The following PLEKHH2 variants were observed in gnomAD, a reference collection of about 807,000 sequenced individuals.
The protein encoded by PLEKHH2 is pleckstrin homology domain-containing family H member 2.
In PLEKHH2, 129 loss-of-function variants were observed where a neutral mutation model predicts 187.9. That is an observed-to-expected ratio of 0.69 (90% CI 0.59 to 0.79). PLEKHH2 has a LOEUF of 0.79. Ranked by LOEUF, PLEKHH2 falls within the 30% of genes least tolerant of loss-of-function variation. PLEKHH2 has a pLI of 0.00. For synonymous variants in PLEKHH2, 686 were observed against 605.6 expected, an observed-to-expected ratio of 1.13 and a Z score of -1.95; for missense variants, 2,076 against 1,751.2, an observed-to-expected ratio of 1.19 and a Z score of -3.31.
chr2:43,657,418 G>A (rs773436950), intron 2 of PLEKHH2, among the ~76,000 whole-genome samples: 13 of 152,132 alleles, frequency 8.5e-5, no homozygotes, highest in Non-Finnish European at 2.9e-5. Flanking sequence ...CTACTAAACC[G>A]CTCCCAAGGT....
intron 1 of PLEKHH2, among the ~76,000 whole-genome samples, chr2:43,641,542 AT>A (rs1665930045): frequency 6.6e-6 from 1 of 151,716 alleles, no homozygotes. Flanking sequence ...GTGTTAGTGT[AT>A]TTTATGTGTG....
intron 20 of PLEKHH2, 37 bp from the exon 21 acceptor site, chr2:43,740,909 A>C: frequency 6.2e-7 from 1 of 1,606,138 alleles, no homozygotes; most frequent in Non-Finnish European, 8.5e-7. Flanking sequence ...TCTGACTGGC[A>C]CGTGGTATCT....
Position 43,731,510 on chromosome 2 carries a change from C to A in PLEKHH2, c.2851C>A (p.Pro951Thr). The A allele has an allele frequency of 1.2e-6, 2 of 1,600,508 alleles. No individual in the cohort carries two copies. The highest frequency in any genetic ancestry group is 4.5e-5 in the East Asian group (2 of 44,780). The change falls in exon 19 of 30, where the codon CCC becomes ACC. Residue 951 changes from proline to threonine, a missense_variant. Transcript: ENST00000282406. ...GEPSSQIWRH[P>T]TLCHSKEGII... ...TTTAGCCTCTCAGATATGGAGACAC[C>A]CCACTTTGTGTCACAGTAAAGAAGG...
At chr2:43,645,459 C>T (rs1380898253) in intron 2 of PLEKHH2, among the ~76,000 whole-genome samples, 2 of 152,034 alleles carry the variant, frequency 1.3e-5, no homozygotes, top group Non-Finnish European at 1.5e-5. Flanking sequence ...TTCCTATTTC[C>T]AGGGAACTTG....
At chr2:43,730,613 G>T (rs1233158257) in intron 18 of PLEKHH2, among the ~76,000 whole-genome samples, 2 of 152,082 alleles carry the variant, frequency 1.3e-5, no homozygotes, top group African/African-American at 2.4e-5. Flanking sequence ...TGCACAGGTT[G>T]GTCTCGAACT....
At chr2:43,733,555 C>T (rs1378660735) in intron 19 of PLEKHH2, among the ~76,000 whole-genome samples, 15 of 152,116 alleles carry the variant, frequency 9.9e-5, no homozygotes, top group Non-Finnish European at 1.2e-4. Context: ...TAAGTTTCTC[C>T]CATCTCAAAA....
intron 3 of PLEKHH2, among the ~76,000 whole-genome samples, chr2:43,688,615 C>CA (rs1430101838): frequency 1.4e-4 from 21 of 152,306 alleles, no homozygotes; most frequent in African/African-American, 4.6e-4. Context: ...GGATCCCCAA[C>CA]AGTACTCTTG....
Position 43,712,309 on chromosome 2 carries a change from C to T in PLEKHH2, c.2386C>T (p.Leu796Phe), listed in dbSNP as rs986472910. The T allele has an allele frequency of 1.4e-5, 22 of 1,613,818 alleles. No individual in the cohort carries two copies. The highest frequency in any genetic ancestry group is 1.9e-5 in the Non-Finnish European group (22 of 1,179,782). ...EEWIKVLQNV[L>F]RVQAANPLSL... ...GTGGATTAAAGTGTTACAGAATGTT[C>T]TTCGAGTACAAGCTGCCAACCCACT... The change falls in exon 15 of 30, where the codon CTT becomes TTT. Residue 796 changes from leucine to phenylalanine, a missense_variant. Leu to Phe is a conservative substitution (Grantham distance 22). Coordinates refer to ENST00000282406, the MANE Select transcript of PLEKHH2 (RefSeq NM_172069.4).
At chr2:43,755,967 T>TA (rs2104619703) in intron 25 of PLEKHH2, among the ~76,000 whole-genome samples, 1 of 152,294 alleles carries the variant, frequency 6.6e-6, no homozygotes, top group Admixed American at 6.5e-5. Flanking sequence ...GGGATAGAGA[T>TA]ACAGCAAAAA....
chr2:43,676,953 T>C (rs1667833094), intron 2 of PLEKHH2, among the ~76,000 whole-genome samples: 1 of 152,194 alleles, frequency 6.6e-6, no homozygotes, highest in Admixed American at 6.5e-5. Flanking sequence ...TTGAAGCCTT[T>C]CTTTCCTCTT....
intron 11 of PLEKHH2, 128 bp from the exon 12 acceptor site, chr2:43,709,862 T>A: frequency 1.0e-6 from 1 of 962,264 alleles, no homozygotes; most frequent in South Asian, 2.5e-5. Context: ...GCCAAAGGAA[T>A]GAGAATAAAT....
intron 24 of PLEKHH2, among the ~76,000 whole-genome samples, chr2:43,751,926 CTTT>C (rs1191371733): frequency 7.9e-5 from 11 of 139,832 alleles, no homozygotes; most frequent in Admixed American, 7.2e-5. Flanking sequence ...CTCTCTCTCT[CTTT>C]TTTTTTTTTT....
intron 17 of PLEKHH2, among the ~76,000 whole-genome samples, chr2:43,729,165 TA>T (rs1193075144): frequency 6.6e-6 from 1 of 152,202 alleles, no homozygotes; most frequent in Admixed American, 6.5e-5. Flanking sequence ...TTCAACTATG[TA>T]AAAATTTAAT....
In PLEKHH2 at chr2:43,767,190, T is replaced by A. The variant is rs991770624; in HGVS notation, c.*1592T>A. The A allele has an allele frequency of 2.0e-5, 3 of 152,416 alleles. No homozygotes were observed. The highest frequency in any genetic ancestry group is 7.2e-5 in the African/African-American group (3 of 41,460). 9.4% of individuals were successfully genotyped at this position (152,416 alleles called of 1,614,324 possible). On this transcript the variant is annotated 3_prime_UTR_variant, in exon 30 of 30. Coordinates refer to ENST00000282406, the MANE Select transcript of PLEKHH2 (RefSeq NM_172069.4). ...TTTTGGACATATATTTATCACTTTG[T>A]CATTTTTTTTAACCAATTTGAGAAA...
At chr2:43,703,916 CTTTTTT>C (rs10530805) in intron 8 of PLEKHH2, 59 bp from the exon 9 acceptor site, 22,484 of 382,816 alleles carry the variant, frequency 0.059, 31 homozygotes, top group Non-Finnish European at 0.069. Context: ...TGAAAGTAGT[CTTTTTT>C]TTTTTTTTTT....
At chr2:43,747,720 C>T (rs1471710381) in intron 24 of PLEKHH2, among the ~76,000 whole-genome samples, 1 of 152,110 alleles carries the variant, frequency 6.6e-6, no homozygotes, top group Non-Finnish European at 1.5e-5. Flanking sequence ...TTATTTGAGT[C>T]TTATACCCTG....
chr2:43,687,483 C>A lies in PLEKHH2; in HGVS notation c.187-5031C>A, dbSNP rs188022894. The stretch of plus-strand genomic sequence containing the variant: ...AAGTGCATGTGTCTTTTTGGTAGAA[C>A]GATTTATTTTCCTTTGACTATATAC... On this transcript the variant is annotated intron_variant, in intron 3 of 29. Transcript: ENST00000282406. 1.2e-4 allele frequency among the ~76,000 whole-genome samples: 18 copies of A among 152,214 alleles called. No homozygotes were observed. In the East Asian group the frequency reaches 3.3e-3, roughly 28 times the overall value.
chr2:43,720,877 T>C, intron 16 of PLEKHH2, 128 bp downstream of exon 16: 2 of 1,389,074 alleles, frequency 1.4e-6, no homozygotes, highest in Non-Finnish European at 1.9e-6. Context: ...TTTGGTATAA[T>C]TTGGTGCAAC....
chr2:43,764,441 A>T, intron 29 of PLEKHH2, 76 bp downstream of exon 29: 1 of 1,439,026 alleles, frequency 6.9e-7, no homozygotes, highest in East Asian at 2.4e-5. Context: ...CCAAAAAGCA[A>T]TGCTAATTGT....
Sources: allele counts gnomAD v4.1 joint callset (sites outside exome capture counted in the v4.1 genomes callset), GRCh38; gene constraint gnomAD v4.1.1; transcripts MANE v1.5; gene names NCBI Gene and HGNC (gene_info 2026-07-23, HGNC 2026-07-21).